Variants in AGBL4 observed in about 807,000 individuals in gnomAD.
AGBL4 encodes AGBL carboxypeptidase 4.
A neutral mutation model predicts 66.4 loss-of-function variants in AGBL4; 58 were observed. That is an observed-to-expected ratio of 0.87 (90% confidence interval 0.71 to 1.09). The LOEUF is 1.09. Among genes scored for constraint, AGBL4 ranks in the 50% least tolerant of loss-of-function variants. The pLI, the probability that AGBL4 is intolerant of heterozygous loss-of-function variation, is 0.00. For missense variants in AGBL4, 579 were observed against 631.0 expected (o/e 0.92, Z 0.88); for synonymous variants, 234 against 222.9 (o/e 1.05, Z -0.44).
chr1:48,587,705 C>T (rs370260599), intron 10 of AGBL4, among the ~76,000 whole-genome samples: 8 of 151,282 alleles, frequency 5.3e-5, no homozygotes, highest in South Asian at 2.1e-4. Context: ...TACAGTGGCG[C>T]GATCTTGGCT....
intron 2 of AGBL4, among the ~76,000 whole-genome samples, chr1:49,754,476 G>A (rs1651734985): frequency 6.6e-6 from 1 of 152,012 alleles, no homozygotes; most frequent in South Asian, 2.1e-4. Context: ...GGATTTTGCT[G>A]TAAGTCCACT....
chr1:49,773,416 TC>T, intron 2 of AGBL4, among the ~76,000 whole-genome samples: 2 of 152,364 alleles, frequency 1.3e-5, no homozygotes, highest in South Asian at 4.1e-4. Context: ...GTTGCTTTTT[TC>T]CATTTTATGG....
chr1:49,086,697 T>C (rs141053621), intron 4 of AGBL4, among the ~76,000 whole-genome samples: 76 of 151,984 alleles, frequency 5.0e-4, no homozygotes, highest in African/African-American at 1.6e-3. Context: ...TTGCCTCTTG[T>C]AGCCAGATGG....
intron 4 of AGBL4, among the ~76,000 whole-genome samples, chr1:49,218,372 A>G (rs1649239078): frequency 6.6e-6 from 1 of 152,142 alleles, no homozygotes; most frequent in Non-Finnish European, 1.5e-5. Context: ...CATAGGCAAA[A>G]ACAATGATGC....
At chr1:49,035,236 A>G (rs1664542858) in intron 5 of AGBL4, among the ~76,000 whole-genome samples, 1 of 152,122 alleles carries the variant, frequency 6.6e-6, no homozygotes, top group Non-Finnish European at 1.5e-5. Flanking sequence ...TGAAGGTGTT[A>G]CCAGTGGAAG....
chr1:48,590,719 A>G (rs1290684652), intron 10 of AGBL4, 114 bp downstream of exon 10: 2 of 1,205,968 alleles, frequency 1.7e-6, no homozygotes, highest in African/African-American at 1.5e-5. Context: ...CACAATACCT[A>G]ACACAGAGTT....
At chr1:49,461,248 T>C (rs1261056886) in intron 3 of AGBL4, among the ~76,000 whole-genome samples, 1 of 151,584 alleles carries the variant, frequency 6.6e-6, no homozygotes, top group African/African-American at 2.4e-5. Flanking sequence ...TATTCTTAGG[T>C]TTGGATGCTT....
intron 5 of AGBL4, among the ~76,000 whole-genome samples, chr1:48,915,067 G>A (rs1437262674): frequency 6.6e-6 from 1 of 152,162 alleles, no homozygotes; most frequent in African/African-American, 2.4e-5. Flanking sequence ...TTATTTTTCT[G>A]TTTTACTTAT....
chr1:49,820,437 G>A (rs17105782), intron 2 of AGBL4, among the ~76,000 whole-genome samples: 14,314 of 152,082 alleles, frequency 0.094, 903 homozygotes, highest in African/African-American at 0.17. Flanking sequence ...ATTCCTAAAG[G>A]ATTGAGTTTT....
chr1:48,700,545 G>C (rs188538381), intron 6 of AGBL4, among the ~76,000 whole-genome samples: 1 of 152,216 alleles, frequency 6.6e-6, no homozygotes, highest in Non-Finnish European at 1.5e-5. Flanking sequence ...GAGAAAGGCA[G>C]TGTGTGGACC....
At chr1:49,123,004 C>T (rs1349367308) in intron 4 of AGBL4, among the ~76,000 whole-genome samples, 1 of 152,078 alleles carries the variant, frequency 6.6e-6, no homozygotes, top group African/African-American at 2.4e-5. Context: ...TAGGCACCCG[C>T]AACCATGCCC....
intron 1 of AGBL4, among the ~76,000 whole-genome samples, chr1:50,014,722 A>G (rs1030878486): frequency 3.3e-5 from 5 of 151,798 alleles, no homozygotes; most frequent in Non-Finnish European, 7.4e-5. Context: ...ACGGGGATTC[A>G]CCACGTTGGC....
intron 4 of AGBL4, among the ~76,000 whole-genome samples, chr1:49,086,075 T>C (rs892944326): frequency 1.3e-5 from 2 of 152,154 alleles, no homozygotes; most frequent in African/African-American, 4.8e-5. Context: ...TGCAGACTCC[T>C]ATTGTCCTGG....
intron 2 of AGBL4, among the ~76,000 whole-genome samples, chr1:49,831,933 C>T (rs1571666043): frequency 6.6e-6 from 1 of 151,536 alleles, no homozygotes; most frequent in East Asian, 1.9e-4. Flanking sequence ...TATGTTGAAC[C>T]AGCCTTGCAT....
chr1:49,740,210 C>T (rs1180091150), intron 2 of AGBL4, among the ~76,000 whole-genome samples: 1 of 151,954 alleles, frequency 6.6e-6, no homozygotes, highest in Non-Finnish European at 1.5e-5. Flanking sequence ...GGAAGATCTA[C>T]CAAGCAAATG....
At chr1:49,739,410 A>G (rs1650211928) in intron 2 of AGBL4, among the ~76,000 whole-genome samples, 1 of 152,230 alleles carries the variant, frequency 6.6e-6, no homozygotes, top group South Asian at 2.1e-4. Flanking sequence ...CTATGTGAAA[A>G]GACCAAATCT....
chr1:48,801,007 G>A (rs897820992), intron 6 of AGBL4, among the ~76,000 whole-genome samples: 4 of 152,090 alleles, frequency 2.6e-5, no homozygotes, highest in Admixed American at 6.5e-5. Context: ...GTGGGGCATG[G>A]GGGAGGGTGG....
intron 11 of AGBL4, among the ~76,000 whole-genome samples, chr1:48,562,720 G>C (rs114686608): frequency 2.8e-4 from 42 of 152,284 alleles, no homozygotes; most frequent in African/African-American, 9.9e-4. Context: ...GAAAATTTGA[G>C]ACTCAGAGAG....
intron 5 of AGBL4, among the ~76,000 whole-genome samples, chr1:49,025,429 T>A (rs1663582169): frequency 6.6e-6 from 1 of 152,138 alleles, no homozygotes; most frequent in Non-Finnish European, 1.5e-5. Flanking sequence ...AAACAGGATG[T>A]TCCAGTGTAT....
Sources: gnomAD v4.1 joint callset for allele counts (sites outside exome capture counted in the v4.1 genomes callset) on GRCh38, gnomAD v4.1.1 for gene constraint, MANE v1.5 for transcripts, NCBI Gene and HGNC (gene_info 2026-07-23, HGNC 2026-07-21) for gene names.